ITGB5: variants seen among roughly 807,000 people sequenced by gnomAD.
The protein encoded by ITGB5 is integrin subunit beta 5.
A neutral mutation model predicts 84.8 loss-of-function variants in ITGB5; 38 were observed. That is an observed-to-expected ratio of 0.45 (90% confidence interval 0.35 to 0.59). The LOEUF is 0.59. ITGB5 is among the 20% of genes least tolerant of loss of function. ITGB5 has a pLI of 0.01. For synonymous variants in ITGB5, 393 were observed against 414.4 expected (o/e 0.95, Z 0.63); for missense variants, 905 against 1,034.5 (o/e 0.87, Z 1.72).
intron 10 of ITGB5, among the ~76,000 whole-genome samples, chr3:124,795,362 G>A (rs1233819069): frequency 4.6e-5 from 7 of 151,958 alleles, no homozygotes; most frequent in South Asian, 2.1e-4. Context: ...GGTGGCGGGC[G>A]CCTATAATCC....
intron 5 of ITGB5, among the ~76,000 whole-genome samples, chr3:124,840,068 C>G (rs1378822724): frequency 6.6e-6 from 1 of 152,204 alleles, no homozygotes; most frequent in Non-Finnish European, 1.5e-5. Context: ...GAAAGGACAA[C>G]TGGGGTTTTC....
At chr3:124,844,969 A>AT (rs2065058111) in intron 4 of ITGB5, among the ~76,000 whole-genome samples, 1 of 152,248 alleles carries the variant, frequency 6.6e-6, no homozygotes, top group African/African-American at 2.4e-5. Flanking sequence ...AACGGCAAAC[A>AT]TAAAACTGCT....
intron 3 of ITGB5, among the ~76,000 whole-genome samples, chr3:124,851,413 C>G (rs2065151503): frequency 6.6e-6 from 1 of 152,156 alleles, no homozygotes; most frequent in Non-Finnish European, 1.5e-5. Flanking sequence ...AAAAGAGAGA[C>G]AGAAAATCCT....
intron 1 of ITGB5, among the ~76,000 whole-genome samples, chr3:124,876,707 AC>A (rs1466289798): frequency 6.6e-6 from 1 of 152,116 alleles, no homozygotes; most frequent in African/African-American, 2.4e-5. Flanking sequence ...CTAACCCTGA[AC>A]CCTAGGCCTC....
chr3:124,848,327 T>C lies in ITGB5; in HGVS notation c.593A>G (p.Gln198Arg). ...CACTTACCCAATGCACGGATTGGTC[T>C]GGTACCTCGGTGCCGTGTAGGAGAA... is the stretch of plus-strand genomic sequence containing the variant. ...SPFSYTAPRY[Q>R]TNPCIGYKLF... is the part of the protein sequence containing the mutation. The change falls in exon 4 of 15, where the codon CAG (glutamine) becomes CGG (arginine). Residue 198 changes from glutamine to arginine, a missense_variant. Around this residue, in one of 3 missense-constraint regions of ITGB5, gnomAD observed 656 missense variants for 734.7 expected, o/e 0.89. Coordinates refer to ENST00000296181, the MANE Select transcript of ITGB5 (RefSeq NM_002213.5). 6.2e-7 allele frequency: 1 copy of C among 1,614,218 alleles called. No homozygotes were observed. Among genetic ancestry groups the C allele is most frequent in the Non-Finnish European group, 8.5e-7 (1 of 1,180,030 alleles).
chr3:124,775,570 C>CTT (rs2063915067), intron 10 of ITGB5, among the ~76,000 whole-genome samples: 1 of 152,156 alleles, frequency 6.6e-6, no homozygotes, highest in Non-Finnish European at 1.5e-5. Context: ...AAAAAATCAA[C>CTT]TTTGTATTAT....
At chr3:124,781,711 A>T (rs2064008745) in intron 10 of ITGB5, among the ~76,000 whole-genome samples, 1 of 152,224 alleles carries the variant, frequency 6.6e-6, no homozygotes, top group Non-Finnish European at 1.5e-5. Flanking sequence ...GAACTTGCCA[A>T]CTAAGGGCTG....
At chr3:124,877,334 GAA>G (rs1424059723) in intron 1 of ITGB5, among the ~76,000 whole-genome samples, 1 of 151,966 alleles carries the variant, frequency 6.6e-6, no homozygotes, top group East Asian at 1.9e-4. Context: ...GTGTGTGCAG[GAA>G]AAGAGTTGCA....
At chr3:124,800,533 G>A (rs1409732874) in intron 9 of ITGB5, among the ~76,000 whole-genome samples, 1 of 152,164 alleles carries the variant, frequency 6.6e-6, no homozygotes, top group Non-Finnish European at 1.5e-5. Flanking sequence ...CAGGTCCTGA[G>A]GCCTTCCCCA....
chr3:124,814,695 C>T (rs1031251916), intron 8 of ITGB5, among the ~76,000 whole-genome samples: 1 of 152,130 alleles, frequency 6.6e-6, no homozygotes, highest in Non-Finnish European at 1.5e-5. Flanking sequence ...ATCCTCCCAG[C>T]TTAGCCTCCC....
intron 9 of ITGB5, 26 bp from the exon 10 acceptor site, chr3:124,796,843 T>G: frequency 6.4e-7 from 1 of 1,564,886 alleles, no homozygotes. Context: ...AGAAGGGATA[T>G]CATGGCTGCG....
chr3:124,869,405 G>A (rs1247072858), intron 2 of ITGB5, among the ~76,000 whole-genome samples: 1 of 151,902 alleles, frequency 6.6e-6, no homozygotes, highest in East Asian at 1.9e-4. Context: ...GTGAAACCCC[G>A]TCTCTACTAA....
chr3:124,819,939 C>A (rs1054006223), intron 6 of ITGB5, 105 bp from the exon 7 acceptor site: 3 of 862,206 alleles, frequency 3.5e-6, no homozygotes, highest in Admixed American at 3.5e-5. Context: ...AGGGAAGCAC[C>A]TTTTCCTTAG....
chr3:124,861,188 GTTTT>G (rs529330503), intron 2 of ITGB5, among the ~76,000 whole-genome samples: 1 of 150,834 alleles, frequency 6.6e-6, no homozygotes, highest in Non-Finnish European at 1.5e-5. Flanking sequence ...ATTCTGGGTT[GTTTT>G]TTTTTAATAA....
chr3:124,763,604 C>G lies in ITGB5; in HGVS notation c.*19G>C. The G allele has an allele frequency of 6.8e-7, 1 of 1,477,946 alleles. No homozygotes were observed. The highest frequency in any genetic ancestry group is 9.5e-7 in the Non-Finnish European group (1 of 1,055,832). 91.6% of individuals were successfully genotyped at this position (1,477,946 alleles called of 1,614,324 possible). A position where few individuals can be genotyped will look rare whatever the true frequency, so the allele number is the denominator to read the frequency against. ...CCTTTTCATCAGATCCCCGCTCCAGCCCCTCGGAGAAGGAAACATCAGTCC... is the reference window on the plus strand; with the variant it reads ...CCTTTTCATCAGATCCCCGCTCCAGGCCCTCGGAGAAGGAAACATCAGTCC... On this transcript the variant is annotated 3_prime_UTR_variant, in exon 15 of 15. Coordinates refer to ENST00000296181, the MANE Select transcript of ITGB5 (RefSeq NM_002213.5).
At position 124,814,103 on chromosome 3, in the gene ITGB5, G is replaced by A. The variant is rs1249678679; in HGVS notation, c.1128+3518C>T. On this transcript the variant is annotated intron_variant, in intron 8 of 14. Transcript: ENST00000296181. ...TGTCCTTATCTATAAAGGTTTTAGG[G>A]GCTTTATATTAGGAACTAGGGGCAG... Among the ~76,000 whole-genome samples the A allele has an allele frequency of 2.6e-5, 4 of 152,008 alleles. No individual in the cohort carries two copies. The East Asian group carries it at 7.7e-4, about 29-fold the overall frequency.
chr3:124,778,840 A>G (rs2063961760), intron 10 of ITGB5, among the ~76,000 whole-genome samples: 1 of 152,128 alleles, frequency 6.6e-6, no homozygotes, highest in Admixed American at 6.5e-5. Context: ...GCTGAGGGCG[A>G]GGGTGTGGCC....
chr3:124,855,722 CACG>C (rs1034624518), intron 3 of ITGB5, among the ~76,000 whole-genome samples: 1 of 152,110 alleles, frequency 6.6e-6, no homozygotes, highest in African/African-American at 2.4e-5. Flanking sequence ...GGCTCTCCAC[CACG>C]ACACCTTCCG....
At chr3:124,829,076 G>A (rs193175526) in intron 5 of ITGB5, among the ~76,000 whole-genome samples, 4 of 152,132 alleles carry the variant, frequency 2.6e-5, no homozygotes, top group South Asian at 2.1e-4. Context: ...GTATTTCCAC[G>A]GAGTTGAAAA....
Sources: allele counts gnomAD v4.1 joint callset (sites outside exome capture counted in the v4.1 genomes callset), GRCh38; gene constraint gnomAD v4.1.1; regional missense constraint gnomAD v4.1.1; transcripts MANE v1.5; gene names NCBI Gene and HGNC (gene_info 2026-07-23, HGNC 2026-07-21).